ARHGAP17: variants seen among roughly 807,000 people sequenced by gnomAD.
ARHGAP17 encodes rho GTPase-activating protein 17.
In ARHGAP17, 57 loss-of-function variants were observed where a neutral mutation model predicts 99.5. The ratio of observed to expected loss-of-function variants is 0.57; its 90% CI spans 0.46 to 0.71. The LOEUF (loss-of-function observed/expected upper bound fraction) is 0.71, where lower values mean the gene tolerates loss of function less well. ARHGAP17 is among the 30% of genes least tolerant of loss of function. ARHGAP17 has a pLI of 0.00. For synonymous variants in ARHGAP17, 417 were observed against 429.6 expected (o/e 0.97, Z 0.36); for missense variants, 1,000 against 1,122.4 (o/e 0.89, Z 1.56).
At chr16:24,933,513 A>G (rs1400522816) in intron 18 of ARHGAP17, among the ~76,000 whole-genome samples, 4 of 149,886 alleles carry the variant, frequency 2.7e-5, no homozygotes, top group Non-Finnish European at 5.9e-5. Context: ...AAAAAAAAGA[A>G]AAAAGGGTAA....
At chr16:24,982,870 CA>C (rs1162354823) in intron 1 of ARHGAP17, among the ~76,000 whole-genome samples, 1 of 143,944 alleles carries the variant, frequency 6.9e-6, no homozygotes, top group Non-Finnish European at 1.5e-5. Flanking sequence ...TAAAGCAAGG[CA>C]GGGGGCAAGA....
chr16:24,933,890 G>A (rs561259598), intron 18 of ARHGAP17, among the ~76,000 whole-genome samples: 2 of 152,224 alleles, frequency 1.3e-5, no homozygotes, highest in East Asian at 1.9e-4. Context: ...CTCTGAATGC[G>A]GCTATAAGGA....
At chr16:24,983,335 C>T (rs1010371735) in intron 1 of ARHGAP17, among the ~76,000 whole-genome samples, 3 of 150,824 alleles carry the variant, frequency 2.0e-5, no homozygotes, top group Non-Finnish European at 4.4e-5. Flanking sequence ...CAAGGTTTTG[C>T]TCTACCTCCC....
At chr16:24,989,892 T>C (rs965153138) in intron 1 of ARHGAP17, among the ~76,000 whole-genome samples, 14 of 152,144 alleles carry the variant, frequency 9.2e-5, no homozygotes, top group Admixed American at 5.9e-4. Context: ...GAGAGGTTAA[T>C]GGATAGGGAT....
In ARHGAP17 at chr16:24,939,493, C is replaced by A; in HGVS notation, c.1595G>T (p.Gly532Val). The A allele has an allele frequency of 6.2e-7, 1 of 1,611,674 alleles. No individual in the cohort carries two copies. The change falls in exon 17 of 20, where the codon GGC becomes GTC. Residue 532 changes from glycine (G) to valine (V), a missense_variant. Physicochemically the swap from Gly to Val is moderately radical, Grantham distance 109. Around this residue, in one of 2 missense-constraint regions of ARHGAP17, gnomAD observed 528 missense variants for 511.4 expected, o/e 1.03. Transcript: ENST00000289968. ...TGGGCCAGCGGGCACCACGGTGCTG[C>A]CATCTGTGGGCGGAAGTGGCGGCTG... ...AFQPPLPPTD[G>V]STVVPAGPEP... is the part of the protein sequence containing the mutation.
chr16:24,949,202 C>T (rs2051560119), intron 13 of ARHGAP17: 1 of 451,268 alleles, frequency 2.2e-6, no homozygotes, highest in Admixed American at 4.1e-5. Flanking sequence ...TAATGTCAGG[C>T]ATGATACTGA....
chr16:24,944,771 C>T (rs531303497), intron 14 of ARHGAP17, among the ~76,000 whole-genome samples: 204 of 152,072 alleles, frequency 1.3e-3, no homozygotes, highest in Non-Finnish European at 2.3e-3. Context: ...CACCTGCCAC[C>T]GCGCCCAGCT....
At chr16:24,985,424 C>T (rs2052834781) in intron 1 of ARHGAP17, among the ~76,000 whole-genome samples, 1 of 152,214 alleles carries the variant, frequency 6.6e-6, no homozygotes, top group Non-Finnish European at 1.5e-5. Context: ...GGAGCATCTG[C>T]TTCCTCGCCC....
At chr16:24,964,346 C>A (rs753355022) in intron 6 of ARHGAP17, 38 bp from the exon 7 acceptor site, 17 of 1,397,160 alleles carry the variant, frequency 1.2e-5, no homozygotes, top group Non-Finnish European at 1.7e-5. Flanking sequence ...TGAGAACCAG[C>A]TGTGTATACT....
chr16:24,964,150 T>A (rs763493333), intron 7 of ARHGAP17, 47 bp downstream of exon 7: 3 of 1,303,390 alleles, frequency 2.3e-6, no homozygotes, highest in Non-Finnish European at 3.2e-6. Flanking sequence ...CTTTCATCCC[T>A]CATTTGCAAA....
intron 1 of ARHGAP17, among the ~76,000 whole-genome samples, chr16:24,984,128 T>C (rs1174843059): frequency 6.6e-6 from 1 of 152,204 alleles, no homozygotes; most frequent in Non-Finnish European, 1.5e-5. Context: ...TGGTCTGATA[T>C]TTTCCATCTC....
intron 7 of ARHGAP17, among the ~76,000 whole-genome samples, chr16:24,962,327 A>T (rs74015797): frequency 6.4e-4 from 97 of 152,328 alleles, no homozygotes; most frequent in African/African-American, 2.2e-3. Flanking sequence ...TATCATGCAT[A>T]AAGATAAGAT....
At chr16:24,949,721 G>A (rs1364660103) in intron 12 of ARHGAP17, among the ~76,000 whole-genome samples, 4 of 152,206 alleles carry the variant, frequency 2.6e-5, no homozygotes, top group East Asian at 1.9e-4. Flanking sequence ...TCTGCTGAAC[G>A]ATTTTGAGGC....
At position 24,943,510 on chromosome 16, in the gene ARHGAP17, C is replaced by T. The variant is rs2303786; in HGVS notation, c.1333+261G>A. Among the ~76,000 whole-genome samples the T allele has an allele frequency of 6.0e-4, 91 of 152,308 alleles. 2 individuals carry two copies. In the East Asian group the frequency reaches 0.017, roughly 28 times the overall value. Reference sequence around the variant, plus strand: ...TTCCCCCAGGTAAGACGGCATGTTTCACCAGCAAACATATGGCACCCAGTG... The same window carrying T: ...TTCCCCCAGGTAAGACGGCATGTTTTACCAGCAAACATATGGCACCCAGTG... On this transcript the variant is annotated intron_variant, in intron 15 of 19. Transcript: ENST00000289968.
intron 2 of ARHGAP17, 89 bp from the exon 3 acceptor site, chr16:24,977,408 A>C: frequency 9.2e-7 from 1 of 1,089,624 alleles, no homozygotes; most frequent in Non-Finnish European, 1.3e-6. Flanking sequence ...CTGAATCTAC[A>C]TGCAGGGAAA....
At position 24,959,988 on chromosome 16, in the gene ARHGAP17, A is replaced by G. The variant is rs749298361; in HGVS notation, c.574-9T>C. 1.2e-6 allele frequency: 2 copies of G among 1,613,754 alleles called. No homozygotes were observed. The highest frequency in any genetic ancestry group is 8.5e-7 in the Non-Finnish European group (1 of 1,179,830). ...TCTGCTGCAAGTTGATCCTGGGTAA[A>G]TGGAAGATAAGAGGTTATTGAAGAA... On this transcript the variant is annotated splice_polypyrimidine_tract_variant and intron_variant, in intron 7 of 19. Transcript: ENST00000289968.
intron 15 of ARHGAP17, 62 bp from the exon 16 acceptor site, chr16:24,942,205 A>C: frequency 6.6e-7 from 1 of 1,510,224 alleles, no homozygotes; most frequent in Non-Finnish European, 8.9e-7. Flanking sequence ...GGGAGCTCTA[A>C]GACACCCCTC....
At chr16:24,929,185 G>A (rs1427785305) in intron 19 of ARHGAP17, among the ~76,000 whole-genome samples, 2 of 150,658 alleles carry the variant, frequency 1.3e-5, no homozygotes, top group Admixed American at 1.3e-4. Flanking sequence ...AAGAGGCAGG[G>A]TCTCACTCTG....
intron 1 of ARHGAP17, among the ~76,000 whole-genome samples, chr16:24,996,913 C>CAAA (rs35821047): frequency 1.4e-5 from 2 of 142,346 alleles, no homozygotes; most frequent in Non-Finnish European, 1.5e-5. Flanking sequence ...TAGGGACAAC[C>CAAA]AAAAAAAAAA....
Sources: gnomAD v4.1 joint callset for allele counts (sites outside exome capture counted in the v4.1 genomes callset) on GRCh38, gnomAD v4.1.1 for gene constraint, gnomAD v4.1.1 regional missense constraint, MANE v1.5 for transcripts, NCBI Gene and HGNC (gene_info 2026-07-23, HGNC 2026-07-21) for gene names.